Variants in OXCT1 observed in about 807,000 individuals in gnomAD.
The protein encoded by OXCT1 is 3-oxoacid CoA-transferase 1, also known as succinyl-CoA:3-ketoacid coenzyme A transferase 1, mitochondrial.
Under a neutral mutation model 69.6 loss-of-function variants are expected in OXCT1, and 27 were observed. The ratio of observed to expected loss-of-function variants is 0.39; its 90% CI spans 0.29 to 0.54. The LOEUF is 0.54. OXCT1 is among the 20% of genes least tolerant of loss of function. The pLI, the probability that OXCT1 is intolerant of heterozygous loss-of-function variation, is 0.72. For missense variants in OXCT1, 437 were observed against 650.2 expected (o/e 0.67, Z 3.57); for synonymous variants, 202 against 217.8 (o/e 0.93, Z 0.64).
At chr5:41,744,090 T>A (rs1743342246) in intron 15 of OXCT1, among the ~76,000 whole-genome samples, 1 of 152,216 alleles carries the variant, frequency 6.6e-6, no homozygotes. Context: ...ATTTTCACGA[T>A]ACTGATTCTT....
chr5:41,749,694 T>A, intron 14 of OXCT1, 87 bp from the exon 15 acceptor site: 1 of 827,408 alleles, frequency 1.2e-6, no homozygotes, highest in South Asian at 1.4e-5. Context: ...ACAGAAACTA[T>A]CAGAGAAATT....
intron 13 of OXCT1, among the ~76,000 whole-genome samples, chr5:41,790,083 C>A (rs1387501283): frequency 1.3e-5 from 2 of 152,068 alleles, no homozygotes; most frequent in Admixed American, 1.3e-4. Context: ...CAAAAGTGTC[C>A]CATTCTTTCT....
chr5:41,774,810 G>A (rs1279025889), intron 13 of OXCT1, among the ~76,000 whole-genome samples: 7 of 152,186 alleles, frequency 4.6e-5, no homozygotes, highest in Admixed American at 1.3e-4. Context: ...CAGGAGAATC[G>A]TTTGAACCCA....
At chr5:41,806,646 CTTCCCCTTTTCCT>C (rs1202349226) in intron 8 of OXCT1, among the ~76,000 whole-genome samples, 2 of 152,078 alleles carry the variant, frequency 1.3e-5, no homozygotes, top group Non-Finnish European at 2.9e-5. Context: ...GACATGCCTG[CTTCCCCTTTTCCT>C]TCTGCTCTGA....
chr5:41,850,045 G>A lies in OXCT1; in HGVS notation c.549C>T (p.Ala183=). The change falls in exon 5 of 17, where the codon GCC becomes GCT. Residue 183 remains alanine, a synonymous_variant. Transcript: ENST00000196371. The part of the protein sequence containing the change: ...KYNKDGSVAI[A]SKPREVREFN... ...TGTTTCTTACCTCTCTTGGCTTACT[G>A]GCAATGGCAACACTGCCATCTTTGT... The A allele has an allele frequency of 1.2e-6, 2 of 1,613,900 alleles. No homozygotes were observed. Among genetic ancestry groups the A allele is most frequent in the Non-Finnish European group, 8.5e-7 (1 of 1,179,850 alleles).
chr5:41,733,328 C>A (rs923934186), intron 16 of OXCT1, among the ~76,000 whole-genome samples: 1 of 151,152 alleles, frequency 6.6e-6, no homozygotes, highest in Non-Finnish European at 1.5e-5. Context: ...CTCACCGCAA[C>A]CTCCGCCTCC....
chr5:41,795,045 T>G (rs1433723537), intron 11 of OXCT1, among the ~76,000 whole-genome samples: 1 of 152,202 alleles, frequency 6.6e-6, no homozygotes, highest in African/African-American at 2.4e-5. Context: ...CAGACCGGTT[T>G]TATGGAAGAC....
chr5:41,805,549 C>A lies in OXCT1; in HGVS notation c.955+18G>T. 6.4e-7 allele frequency: 1 copy of A among 1,554,940 alleles called. No individual in the cohort carries two copies. The highest frequency in any genetic ancestry group is 8.9e-7 in the Non-Finnish European group (1 of 1,126,484). On this transcript the variant is annotated intron_variant, in intron 9 of 16. Coordinates refer to ENST00000196371, the MANE Select transcript of OXCT1 (RefSeq NM_000436.4). ...CAAAGGCTATGTCTTTGCCCGGGCT[C>A]AGAAGGATAAAGGATACCATACATG... is the stretch of plus-strand genomic sequence containing the variant.
rs774416914 is a variant in OXCT1, at chr5:41,801,055, G to T, written c.1066C>A (p.Gln356Lys). Residue 356 changes from glutamine (Q) to lysine (K), a missense_variant, in exon 11 of 17, where the codon CAA becomes AAA. Physicochemically the swap from Gln to Lys is moderately conservative, Grantham distance 53 (BLOSUM62 1). Coordinates refer to ENST00000196371, the MANE Select transcript of OXCT1 (RefSeq NM_000436.4). ...GVLGLGPYPR[Q>K]HEADADLINA... ...ATGAGATCTGCATCAGCTTCATGTT[G>T]TCGTGGATATGGACCCTGTCAAATA... The T allele has an allele frequency of 7.4e-6, 12 of 1,611,798 alleles. No individual in the cohort carries two copies. The highest frequency in any genetic ancestry group is 1.0e-5 in the Non-Finnish European group (12 of 1,178,014).
chr5:41,782,808 T>C (rs897270860), intron 13 of OXCT1, among the ~76,000 whole-genome samples: 1 of 152,220 alleles, frequency 6.6e-6, no homozygotes, highest in Admixed American at 6.5e-5. Context: ...CTTTCCCCTG[T>C]GTAGTGGAAA....
chr5:41,771,334 G>T (rs1744861740), intron 13 of OXCT1, among the ~76,000 whole-genome samples: 1 of 152,136 alleles, frequency 6.6e-6, no homozygotes, highest in Non-Finnish European at 1.5e-5. Context: ...AAATTAATAA[G>T]TATTTATTAA....
chr5:41,751,469 T>C (rs1371044896), intron 14 of OXCT1, among the ~76,000 whole-genome samples: 1 of 152,086 alleles, frequency 6.6e-6, no homozygotes, highest in African/African-American at 2.4e-5. Context: ...TATAGCATAG[T>C]GGTTAAGTGC....
intron 5 of OXCT1, among the ~76,000 whole-genome samples, chr5:41,844,252 T>A (rs1336340952): frequency 6.6e-6 from 1 of 152,180 alleles, no homozygotes; most frequent in Non-Finnish European, 1.5e-5. Flanking sequence ...ACTTCCTCAC[T>A]TTTTGGTTCT....
At chr5:41,834,462 T>C (rs1579838250) in intron 7 of OXCT1, among the ~76,000 whole-genome samples, 1 of 89,716 alleles carries the variant, frequency 1.1e-5, no homozygotes, top group Non-Finnish European at 2.3e-5. Flanking sequence ...GATGGAAAAA[T>C]ATATCCCATG....
intron 5 of OXCT1, among the ~76,000 whole-genome samples, chr5:41,846,790 C>G (rs1174593544): frequency 6.6e-6 from 1 of 152,170 alleles, no homozygotes; most frequent in Non-Finnish European, 1.5e-5. Context: ...CTCTCCAGCA[C>G]TTGTTGTTTC....
chr5:41,810,222 A>AT (rs367726840), intron 7 of OXCT1, among the ~76,000 whole-genome samples: 48 of 152,166 alleles, frequency 3.2e-4, no homozygotes, highest in African/African-American at 1.2e-3. Context: ...AGATCAGGCG[A>AT]TTTAAACATA....
intron 1 of OXCT1, among the ~76,000 whole-genome samples, chr5:41,864,728 C>T (rs974091741): frequency 2.0e-5 from 3 of 152,166 alleles, no homozygotes; most frequent in African/African-American, 7.2e-5. Flanking sequence ...TGGCCTTCTA[C>T]CTCAGGGCCT....
At chr5:41,859,081 G>A (rs1384502905) in intron 3 of OXCT1, among the ~76,000 whole-genome samples, 1 of 150,400 alleles carries the variant, frequency 6.6e-6, no homozygotes, top group African/African-American at 2.5e-5. Flanking sequence ...TCCTGCCCGG[G>A]GTGTGAATCC....
chr5:41,742,505 A>C (rs1743220635), intron 15 of OXCT1, among the ~76,000 whole-genome samples: 1 of 152,166 alleles, frequency 6.6e-6, no homozygotes, highest in Non-Finnish European at 1.5e-5. Context: ...ATTACACTTT[A>C]AGTTTTAGGG....
Sources: gnomAD v4.1 joint callset for allele counts (sites outside exome capture counted in the v4.1 genomes callset) on GRCh38, gnomAD v4.1.1 for gene constraint, MANE v1.5 for transcripts, NCBI Gene and HGNC (gene_info 2026-07-23, HGNC 2026-07-21) for gene names.